TMEM94: variants seen among roughly 807,000 people sequenced by gnomAD.
TMEM94 encodes the protein transmembrane protein 94.
In TMEM94, 81 loss-of-function variants were observed where a neutral mutation model predicts 158.6. That is an observed-to-expected ratio of 0.51 (90% CI 0.43 to 0.61). TMEM94 has a LOEUF of 0.61. Ranked by LOEUF, TMEM94 falls within the 20% of genes least tolerant of loss-of-function variation. The pLI is 0.00. For missense variants in TMEM94, 1,435 were observed against 1,762.0 expected (o/e 0.81, Z 3.32); for synonymous variants, 751 against 730.7 (o/e 1.03, Z -0.45).
At chr17:75,497,565 G>A (rs1321598191) in intron 26 of TMEM94, among the ~76,000 whole-genome samples, 1 of 152,070 alleles carries the variant, frequency 6.6e-6, no homozygotes, top group Admixed American at 6.6e-5. Flanking sequence ...TGTTGGCGAG[G>A]CTGGTTTTGA....
At position 75,489,913 on chromosome 17, in the gene TMEM94, T is replaced by C; in HGVS notation, c.954+251T>C. 1.7e-6 allele frequency: 1 copy of C among 572,920 alleles called. No homozygotes were observed. The highest frequency in any genetic ancestry group is 3.1e-6 in the Non-Finnish European group (1 of 319,414). The allele number at this position is 572,920 out of a possible 1,614,324, so 35.5% of individuals were successfully genotyped here. ...GGCCAATATGGTGAAACCCCGTCTC[T>C]ACTAAGAATATAAAAATTAGCTGGG... is the stretch of plus-strand genomic sequence containing the variant. On this transcript the variant is annotated intron_variant, in intron 9 of 31. Transcript: ENST00000314256. This position sits in a 1 kb window ranked among gnomAD's most constrained non-coding sequence, Gnocchi z 5.0.
intron 2 of TMEM94, among the ~76,000 whole-genome samples, chr17:75,481,750 CT>C (rs1159460189): frequency 6.6e-6 from 1 of 152,224 alleles, no homozygotes; most frequent in East Asian, 1.9e-4. Flanking sequence ...GCTGAGCCTC[CT>C]CCATGGCTGC....
rs1215350403 is a variant in TMEM94 at position 75,488,888 on chromosome 17, A to G, written c.742A>G (p.Thr248Ala). Reference sequence around the variant, plus strand: ...GCACCGGCTTTTCCGTGTCCTTGAGACCCCTGTGATTGACAACATCAGGTA... The same window carrying G: ...GCACCGGCTTTTCCGTGTCCTTGAGGCCCCTGTGATTGACAACATCAGGTA... ...QQHRLFRVLE[T>A]PVIDNIRWCL... The change falls in exon 7 of 32, where the codon ACC becomes GCC. Residue 248 changes from threonine to alanine, a missense_variant. Thr to Ala is a moderately conservative substitution (Grantham distance 58, BLOSUM62 0). Transcript: ENST00000314256. 2 of 1,599,036 alleles carry G rather than the reference A, an allele frequency of 1.3e-6. No homozygotes were observed. Among genetic ancestry groups the G allele is most frequent in the Non-Finnish European group, 1.7e-6 (2 of 1,171,380 alleles).
At position 75,487,600 on chromosome 17, in the gene TMEM94, C is replaced by T. The variant is rs931554154; in HGVS notation, c.410-332C>T. Among the ~76,000 whole-genome samples the T allele has an allele frequency of 6.6e-6, 1 of 152,220 alleles. No homozygotes were observed. The highest frequency in any genetic ancestry group is 2.4e-5 in the African/African-American group (1 of 41,464). ...TCTCATCTGCCCCACTGGGTTGTGGCTCCTTGAGGAGCTATGTTGTTGTCT... is the reference window on the plus strand; with the variant it reads ...TCTCATCTGCCCCACTGGGTTGTGGTTCCTTGAGGAGCTATGTTGTTGTCT... On this transcript the variant is annotated intron_variant, in intron 5 of 31. Coordinates refer to ENST00000314256, the MANE Select transcript of TMEM94 (RefSeq NM_014738.6). The surrounding 1 kb of genome is among the most constrained non-coding windows in gnomAD (Gnocchi z 4.6).
chr17:75,498,074 G>T lies in TMEM94; in HGVS notation c.3490-101G>T. ...GGGGCTTGAGCTCCCTATCCCCCCA[G>T]GCCTGACCATTTACTAAGAGCCCGT... On this transcript the variant is annotated intron_variant, in intron 27 of 31. Transcript: ENST00000314256. This position sits in a 1 kb window ranked among gnomAD's most constrained non-coding sequence, Gnocchi z 6.7. 6.7e-7 allele frequency: 1 copy of T among 1,499,078 alleles called. No homozygotes were observed. The highest frequency in any genetic ancestry group is 2.3e-5 in the East Asian group (1 of 43,820). 92.9% of individuals were successfully genotyped at this position (1,499,078 alleles called of 1,614,324 possible). A position where few individuals can be genotyped will look rare whatever the true frequency, so the allele number is the denominator to read the frequency against.
In TMEM94 at chr17:75,491,949, G is replaced by C. The variant is rs576828317; in HGVS notation, c.1596+49G>C. 58 of 1,549,060 alleles carry C rather than the reference G, an allele frequency of 3.7e-5. No individual in the cohort carries two copies. Among genetic ancestry groups the C allele is most frequent in the Non-Finnish European group, 4.5e-5 (51 of 1,139,342 alleles). On this transcript the variant is annotated intron_variant, in intron 14 of 31. Coordinates refer to ENST00000314256, the MANE Select transcript of TMEM94 (RefSeq NM_014738.6). This position sits in a 1 kb window ranked among gnomAD's most constrained non-coding sequence, Gnocchi z 5.1. ...GCAGCCACACCCTCGGCCACAGGCT[G>C]TCCTGGCCTCCCTGGCCAGCCTGGC...
At chr17:75,480,052 C>T (rs755139324) in intron 2 of TMEM94, among the ~76,000 whole-genome samples, 6 of 151,000 alleles carry the variant, frequency 4.0e-5, no homozygotes, top group Non-Finnish European at 8.8e-5. Context: ...TGCCATTGTA[C>T]TCCATCTAGC....
In TMEM94 at chr17:75,474,460, G is replaced by A. The variant is rs754218268; in HGVS notation, c.24+2531G>A. ...GTTCAAGAACAGCCTGGCCAACATGGTGAAACCCTGTCTCTACTAAAAATA... is the reference window on the plus strand; with the variant it reads ...GTTCAAGAACAGCCTGGCCAACATGATGAAACCCTGTCTCTACTAAAAATA... On this transcript the variant is annotated intron_variant, in intron 2 of 31. Transcript: ENST00000314256. Among the ~76,000 whole-genome samples, 11 of 152,126 alleles carry A rather than the reference G, an allele frequency of 7.2e-5. No individual in the cohort carries two copies. The South Asian group carries it at 8.3e-4, about 11-fold the overall frequency.
chr17:75,463,676 G>A (rs1406754803), intron 1 of TMEM94, among the ~76,000 whole-genome samples: 3 of 152,196 alleles, frequency 2.0e-5, no homozygotes, highest in Non-Finnish European at 4.4e-5. Flanking sequence ...TTGAACCTAA[G>A]TGCAGGACTT....
Position 75,487,955 on chromosome 17 carries a change from A to G in TMEM94, c.433A>G (p.Ile145Val). Reference protein sequence around the residue: ...IQDALRDGREIQWPSAMYPDL... With the variant: ...IQDALRDGREVQWPSAMYPDL... ...AGATGCCCTCAGGGATGGCAGGGAG[A>G]TCCAGTGGCCCAGTGCCATGTATCC... The change falls in exon 6 of 32, where the codon ATC (isoleucine) becomes GTC (valine). Residue 145 changes from isoleucine to valine, a missense_variant. Around this residue, in one of 3 missense-constraint regions of TMEM94, gnomAD observed 1,051 missense variants for 1,254.4 expected, o/e 0.84. Coordinates refer to ENST00000314256, the MANE Select transcript of TMEM94 (RefSeq NM_014738.6). The surrounding 1 kb of genome is among the most constrained non-coding windows in gnomAD (Gnocchi z 4.6). 1 of 1,613,682 alleles carries G rather than the reference A, an allele frequency of 6.2e-7. No homozygotes were observed. Among genetic ancestry groups the G allele is most frequent in the South Asian group, 1.1e-5 (1 of 91,070 alleles).
chr17:75,460,421 G>A (rs776551086), intron 1 of TMEM94, among the ~76,000 whole-genome samples: 2 of 152,046 alleles, frequency 1.3e-5, no homozygotes, highest in Non-Finnish European at 1.5e-5. Flanking sequence ...CTGAAAGAGC[G>A]TAAACCTTCA....
At chr17:75,459,066 A>C (rs1325785163) in intron 1 of TMEM94, among the ~76,000 whole-genome samples, 2 of 151,928 alleles carry the variant, frequency 1.3e-5, no homozygotes, top group Non-Finnish European at 2.9e-5. Context: ...CAAAAAAAAA[A>C]AAACAAAAAA....
rs759936251 is a variant in TMEM94 at position 75,489,235 on chromosome 17, A to G, written c.765-31A>G. Reference sequence around the variant, plus strand: ...GGTGTAGGTTTCTAGCCTCTCTGCCAAGTGAGACTGACAGTCACTTCTTTC... The same window carrying G: ...GGTGTAGGTTTCTAGCCTCTCTGCCGAGTGAGACTGACAGTCACTTCTTTC... On this transcript the variant is annotated intron_variant, in intron 7 of 31. Coordinates refer to ENST00000314256, the MANE Select transcript of TMEM94 (RefSeq NM_014738.6). The surrounding 1 kb of genome is among the most constrained non-coding windows in gnomAD (Gnocchi z 5.0). 1 of 1,601,412 alleles carries G rather than the reference A, an allele frequency of 6.2e-7. No homozygotes were observed. Among genetic ancestry groups the G allele is most frequent in the Non-Finnish European group, 8.6e-7 (1 of 1,168,534 alleles).
chr17:75,491,896 G>A lies in TMEM94; in HGVS notation c.1592G>A (p.Ser531Asn), dbSNP rs776423666. ...RDTEGGEEEP[S>N]KTQPGMESDP... is the part of the protein sequence containing the mutation. ...ACCGAGGGTGGTGAAGAAGAGCCCA[G>A]CAAGGTGACGGGAGGGGGTGGCACG... The change falls in exon 14 of 32, where the codon AGC becomes AAC. Residue 531 changes from serine (S) to asparagine (N), a missense_variant. Around this residue, in one of 3 missense-constraint regions of TMEM94, gnomAD observed 1,051 missense variants for 1,254.4 expected, o/e 0.84. Transcript: ENST00000314256. The surrounding 1 kb of genome is among the most constrained non-coding windows in gnomAD (Gnocchi z 5.1). The A allele has an allele frequency of 1.2e-6, 2 of 1,610,438 alleles. No homozygotes were observed.
rs1335741090 is a variant in TMEM94, at chr17:75,489,950, G to A, written c.955-284G>A. 7 of 562,226 alleles carry A rather than the reference G, an allele frequency of 1.2e-5. No homozygotes were observed. Among genetic ancestry groups the A allele is most frequent in the Admixed American group, 9.3e-5 (3 of 32,430 alleles). 34.8% of individuals were successfully genotyped at this position (562,226 alleles called of 1,614,324 possible). A position where few individuals can be genotyped will look rare whatever the true frequency, so the allele number is the denominator to read the frequency against. ...AAAAATTAGCTGGGCGTGGTGGCACGTGCCTGTGGTCCCAGCCATTCAGGT... is the reference window on the plus strand; with the variant it reads ...AAAAATTAGCTGGGCGTGGTGGCACATGCCTGTGGTCCCAGCCATTCAGGT... On this transcript the variant is annotated intron_variant, in intron 9 of 31. Transcript: ENST00000314256. The surrounding 1 kb of genome is among the most constrained non-coding windows in gnomAD (Gnocchi z 5.0).
At chr17:75,493,221 C>A in intron 16 of TMEM94, 119 bp downstream of exon 16, 1 of 1,127,918 alleles carries the variant, frequency 8.9e-7, no homozygotes, top group Non-Finnish European at 1.2e-6. Flanking sequence ...AGACTGCTTC[C>A]AAGTGTTCCA....
Position 75,486,207 on chromosome 17 carries a change from G to C in TMEM94, c.273-83G>C, listed in dbSNP as rs542221694. ...CAGTCTTTCCACAAGGGACTGGGGT[G>C]GGAAGGGGAGCTGTGGCCTGGGGGC... On this transcript the variant is annotated intron_variant, in intron 4 of 31. Coordinates refer to ENST00000314256, the MANE Select transcript of TMEM94 (RefSeq NM_014738.6). 67 of 1,578,330 alleles carry C rather than the reference G, an allele frequency of 4.2e-5. No individual in the cohort carries two copies. In the East Asian group the frequency reaches 1.4e-3, roughly 33 times the overall value.
In TMEM94 at chr17:75,492,704, G is replaced by A; in HGVS notation, c.1827G>A (p.Leu609=). 3 of 1,613,100 alleles carry A rather than the reference G, an allele frequency of 1.9e-6. No homozygotes were observed. The highest frequency in any genetic ancestry group is 1.1e-5 in the South Asian group (1 of 91,088). The part of the protein sequence containing the change: ...TERLCRFSDH[L]CNIALQESHS... ...GCCTGTGCCGATTCTCCGACCACCT[G>A]TGCAACATCGCCCTGCAAGAGAGCC... The change falls in exon 15 of 32, where the codon CTG becomes CTA. Residue 609 remains leucine (L), a synonymous_variant. Coordinates refer to ENST00000314256, the MANE Select transcript of TMEM94 (RefSeq NM_014738.6). This position sits in a 1 kb window ranked among gnomAD's most constrained non-coding sequence, Gnocchi z 4.4.
chr17:75,464,676 CTTCTTTCT>C (rs376169961), intron 1 of TMEM94, among the ~76,000 whole-genome samples: 18,320 of 58,422 alleles, frequency 0.31, 3,421 homozygotes, highest in Non-Finnish European at 0.38. Context: ...TCCTTCCTTC[CTTCTTTCT>C]TTCTTTCTTT....
Sources: gnomAD v4.1 joint callset for allele counts (sites outside exome capture counted in the v4.1 genomes callset) on GRCh38, gnomAD v4.1.1 for gene constraint, gnomAD v4.1.1 regional missense constraint, Gnocchi (gnomAD v3.1) non-coding constraint, MANE v1.5 for transcripts, NCBI Gene and HGNC (gene_info 2026-07-23, HGNC 2026-07-21) for gene names.